The following MAP2K6 variants were observed in gnomAD, a reference collection of about 807,000 sequenced individuals.
MAP2K6 encodes mitogen-activated protein kinase kinase 6.
A neutral mutation model predicts 53.7 loss-of-function variants in MAP2K6; 16 were observed. The observed-to-expected ratio is 0.30, with a 90% CI of 0.20 to 0.45. MAP2K6 has a LOEUF of 0.45. MAP2K6 is among the 20% of genes least tolerant of loss of function. MAP2K6 has a pLI of 1.00. For missense variants in MAP2K6, 204 were observed against 411.9 expected, an observed-to-expected ratio of 0.50 and a Z score of 4.37; for synonymous variants, 132 against 143.1, an observed-to-expected ratio of 0.92 and a Z score of 0.55.
At chr17:69,506,876 G>C (rs1909518597) in intron 2 of MAP2K6, among the ~76,000 whole-genome samples, 1 of 152,180 alleles carries the variant, frequency 6.6e-6, no homozygotes, top group South Asian at 2.1e-4. Context: ...ACTCAAGATA[G>C]AATGTTCCTT....
chr17:69,496,505 A>G (rs1908958746), intron 1 of MAP2K6, among the ~76,000 whole-genome samples: 1 of 151,988 alleles, frequency 6.6e-6, no homozygotes, highest in Non-Finnish European at 1.5e-5. Context: ...AGTAGCTGGG[A>G]TTACAGGCGT....
At chr17:69,511,668 A>C (rs1360313766) in intron 2 of MAP2K6, among the ~76,000 whole-genome samples, 1 of 152,248 alleles carries the variant, frequency 6.6e-6, no homozygotes, top group Admixed American at 6.5e-5. Context: ...GGTCAGGTGC[A>C]TTGCTCCAAG....
At chr17:69,520,009 T>C (rs1033876742) in intron 5 of MAP2K6, 1 of 406,540 alleles carries the variant, frequency 2.5e-6, no homozygotes, top group Non-Finnish European at 4.4e-6. Flanking sequence ...TTATGTCTGT[T>C]AGTAATTAGA....
intron 1 of MAP2K6, among the ~76,000 whole-genome samples, chr17:69,474,614 C>T (rs192067642): frequency 3.6e-4 from 55 of 152,318 alleles, no homozygotes; most frequent in African/African-American, 1.3e-3. Context: ...TTAAATGGAA[C>T]TGTTGAAGAA....
chr17:69,543,029 T>C lies in MAP2K6; in HGVS notation c.*1276T>C, dbSNP rs1464973556. 2.0e-5 allele frequency: 3 copies of C among 152,142 alleles called. No individual in the cohort carries two copies. Among genetic ancestry groups the C allele is most frequent in the African/African-American group, 7.2e-5 (3 of 41,430 alleles). The allele number at this position is 152,142 out of a possible 1,614,324, so 9.4% of individuals were successfully genotyped here. On this transcript the variant is annotated 3_prime_UTR_variant, in exon 12 of 12. Transcript: ENST00000590474. ...CAATAGCTGGCTCCTCTATAGGAGATGAGCTTCATTGGGAGTTCCTAGCAA... is the reference window on the plus strand; with the variant it reads ...CAATAGCTGGCTCCTCTATAGGAGACGAGCTTCATTGGGAGTTCCTAGCAA...
At chr17:69,423,065 A>T (rs1322705609) in intron 1 of MAP2K6, among the ~76,000 whole-genome samples, 2 of 152,012 alleles carry the variant, frequency 1.3e-5, no homozygotes, top group African/African-American at 4.8e-5. Context: ...TTGTATTTTT[A>T]GTAGAGACGG....
At chr17:69,498,651 CA>C (rs1909037062) in intron 1 of MAP2K6, among the ~76,000 whole-genome samples, 1 of 15,094 alleles carries the variant, frequency 6.6e-5, no homozygotes, top group South Asian at 3.6e-3. Context: ...ACCTGGAAGC[CA>C]CACACACACA....
chr17:69,460,108 G>A (rs1034944566), intron 1 of MAP2K6, among the ~76,000 whole-genome samples: 1 of 151,484 alleles, frequency 6.6e-6, no homozygotes, highest in African/African-American at 2.4e-5. Context: ...TAGCACATTA[G>A]GCTCTGGGGA....
At chr17:69,491,305 G>A (rs149666573) in intron 1 of MAP2K6, among the ~76,000 whole-genome samples, 6,671 of 151,978 alleles carry the variant, frequency 0.044, 417 homozygotes, top group East Asian at 0.15. Context: ...CACCACGCCC[G>A]GCTAATTTTT....
intron 1 of MAP2K6, among the ~76,000 whole-genome samples, chr17:69,500,773 A>T (rs980676871): frequency 1.3e-5 from 2 of 151,980 alleles, no homozygotes; most frequent in Admixed American, 1.3e-4. Context: ...AAAGAAAAAA[A>T]AAAAGAGGTT....
intron 1 of MAP2K6, among the ~76,000 whole-genome samples, chr17:69,457,754 A>C (rs1471365584): frequency 6.6e-6 from 1 of 152,198 alleles, no homozygotes; most frequent in African/African-American, 2.4e-5. Flanking sequence ...GTGGTGAGCT[A>C]TGATCACACT....
chr17:69,451,120 G>T (rs1907210176), intron 1 of MAP2K6, among the ~76,000 whole-genome samples: 1 of 152,232 alleles, frequency 6.6e-6, no homozygotes, highest in Admixed American at 6.5e-5. Flanking sequence ...AATTTGTCAT[G>T]GCTGAAGCGA....
chr17:69,502,613 A>G (rs928097635), intron 1 of MAP2K6: 7 of 985,176 alleles, frequency 7.1e-6, no homozygotes, highest in East Asian at 1.1e-4. Flanking sequence ...TGTCCAACTT[A>G]TATACATAGT....
chr17:69,428,255 A>G (rs1011766871), intron 1 of MAP2K6, among the ~76,000 whole-genome samples: 4 of 152,236 alleles, frequency 2.6e-5, no homozygotes, highest in Admixed American at 2.0e-4. Context: ...GTCCAAGATC[A>G]AGTTGGCGGC....
rs1907142870 is a variant in MAP2K6, at chr17:69,449,701, C to T, written c.16+34701C>T. Among the ~76,000 whole-genome samples the T allele has an allele frequency of 2.0e-5, 3 of 147,256 alleles. No homozygotes were observed. The South Asian group carries it at 6.5e-4, about 32-fold the overall frequency. ...GATCTCGGCTCACTGCAGGCTCCGCCCCCTGGGGTTCACGCCATTCTCCTG... is the reference window on the plus strand; with the variant it reads ...GATCTCGGCTCACTGCAGGCTCCGCTCCCTGGGGTTCACGCCATTCTCCTG... On this transcript the variant is annotated intron_variant, in intron 1 of 11. Coordinates refer to ENST00000590474, the MANE Select transcript of MAP2K6 (RefSeq NM_002758.4).
At chr17:69,417,048 A>G (rs887163068) in intron 1 of MAP2K6, among the ~76,000 whole-genome samples, 1 of 152,156 alleles carries the variant, frequency 6.6e-6, no homozygotes, top group Non-Finnish European at 1.5e-5. Context: ...ATTTACCCAG[A>G]TGAGTTTTCT....
chr17:69,522,348 A>T (rs1272945753), intron 7 of MAP2K6, among the ~76,000 whole-genome samples: 3 of 152,246 alleles, frequency 2.0e-5, no homozygotes, highest in Non-Finnish European at 4.4e-5. Context: ...AATTAACATT[A>T]AGGGTTATTT....
rs75657721 is a variant in MAP2K6 at position 69,446,769 on chromosome 17, G to A, written c.16+31769G>A. On this transcript the variant is annotated intron_variant, in intron 1 of 11. Coordinates refer to ENST00000590474, the MANE Select transcript of MAP2K6 (RefSeq NM_002758.4). ...CCCACAGACGCCAAAGTACATGCAC[G>A]AACGCCTCCTCCACCCTTTTACAAT... 9.9e-5 allele frequency among the ~76,000 whole-genome samples: 15 copies of A among 151,964 alleles called. No homozygotes were observed. In the East Asian group the frequency reaches 2.7e-3, roughly 27 times the overall value.
At chr17:69,500,447 CAAAAAAAAAAAAAAAAAA>C (rs58712110) in intron 1 of MAP2K6, among the ~76,000 whole-genome samples, 1 of 57,626 alleles carries the variant, frequency 1.7e-5, no homozygotes, top group Non-Finnish European at 3.1e-5. Flanking sequence ...GACTCTGTCT[CAAAAAAAAAAAAAAAAAA>C]AAAAAAAAAG....
Sources: allele counts gnomAD v4.1 joint callset (sites outside exome capture counted in the v4.1 genomes callset), GRCh38; gene constraint gnomAD v4.1.1; transcripts MANE v1.5; gene names NCBI Gene and HGNC (gene_info 2026-07-23, HGNC 2026-07-21).